Variants in EBF3 observed in about 807,000 individuals in gnomAD.
EBF3 encodes transcription factor COE3.
A neutral mutation model predicts 77.1 loss-of-function variants in EBF3; 18 were observed. That is an observed-to-expected ratio of 0.23 (90% confidence interval 0.16 to 0.35). The LOEUF (loss-of-function observed/expected upper bound fraction) is 0.35, where lower values mean the gene tolerates loss of function less well. EBF3 is among the 10% of genes least tolerant of loss of function. The pLI, the probability that EBF3 is intolerant of heterozygous loss-of-function variation, is 1.00. For missense variants in EBF3, 558 were observed against 860.0 expected (o/e 0.65, Z 4.39); for synonymous variants, 350 against 343.5 (o/e 1.02, Z -0.21).
At chr10:129,913,825 C>T (rs1353215820) in intron 6 of EBF3, among the ~76,000 whole-genome samples, 1 of 152,148 alleles carries the variant, frequency 6.6e-6, no homozygotes, top group Non-Finnish European at 1.5e-5. Context: ...TCGGCCAGGC[C>T]AGGTGCCATC....
intron 6 of EBF3, among the ~76,000 whole-genome samples, chr10:129,954,399 A>G (rs983876601): frequency 2.0e-5 from 3 of 151,282 alleles, no homozygotes; most frequent in Non-Finnish European, 4.4e-5. Flanking sequence ...TTGTAATGGG[A>G]AACAGCCTCA....
Position 129,842,052 on chromosome 10 carries a change from C to T in EBF3, c.1372+64G>A, listed in dbSNP as rs954588216. 5 of 1,605,802 alleles carry T rather than the reference C, an allele frequency of 3.1e-6. No homozygotes were observed. Among genetic ancestry groups the T allele is most frequent in the Non-Finnish European group, 3.4e-6 (4 of 1,174,918 alleles). ...TGGCCCTGGACACGTGCCTCTTCAGCTAAGGCCTCAACCAACCCTCGGAGG... is the reference window on the plus strand; with the variant it reads ...TGGCCCTGGACACGTGCCTCTTCAGTTAAGGCCTCAACCAACCCTCGGAGG... On this transcript the variant is annotated intron_variant, in intron 13 of 16. Transcript: ENST00000440978. This position sits in a 1 kb window ranked among gnomAD's most constrained non-coding sequence, Gnocchi z 4.4.
chr10:129,855,301 G>C (rs1851176979), intron 10 of EBF3, among the ~76,000 whole-genome samples: 2 of 152,342 alleles, frequency 1.3e-5, no homozygotes, highest in South Asian at 4.1e-4. Context: ...GTGGATGGCG[G>C]CATTGTGATG....
At chr10:129,886,649 A>T (rs892409028) in intron 6 of EBF3, among the ~76,000 whole-genome samples, 5 of 151,450 alleles carry the variant, frequency 3.3e-5, no homozygotes, top group Non-Finnish European at 5.9e-5. Context: ...GTATGTGGGA[A>T]TTTTTTTTTC....
chr10:129,911,324 T>C (rs12413677), intron 6 of EBF3, among the ~76,000 whole-genome samples: 62,638 of 152,092 alleles, frequency 0.41, 13,503 homozygotes, highest in Admixed American at 0.49. Context: ...GATAGAAGCA[T>C]TGCAGAGCCA....
chr10:129,845,730 C>T (rs922634951), intron 11 of EBF3: 9 of 147,284 alleles, frequency 6.1e-5, no homozygotes, highest in Non-Finnish European at 1.1e-4. Flanking sequence ...TCAACATGAC[C>T]GCATTCCTAA....
chr10:129,964,239 A>T lies in EBF3; in HGVS notation c.-471T>A, dbSNP rs1400851422. 4 of 984,600 alleles carry T rather than the reference A, an allele frequency of 4.1e-6. No homozygotes were observed. Among genetic ancestry groups the T allele is most frequent in the Non-Finnish European group, 3.6e-6 (3 of 829,770 alleles). 61.0% of individuals were successfully genotyped at this position (984,600 alleles called of 1,614,324 possible). A position where few individuals can be genotyped will look rare whatever the true frequency, so the allele number is the denominator to read the frequency against. ...CTGGAGCGGCGCGCGCAGCGGACGGAGGCGCACAAAACTCAGCCCTCTCTC... is the reference window on the plus strand; with the variant it reads ...CTGGAGCGGCGCGCGCAGCGGACGGTGGCGCACAAAACTCAGCCCTCTCTC... On this transcript the variant is annotated 5_prime_UTR_variant, in exon 1 of 17. Coordinates refer to ENST00000440978, the MANE Select transcript of EBF3 (RefSeq NM_001375380.1). This position sits in a 1 kb window ranked among gnomAD's most constrained non-coding sequence, Gnocchi z 4.5.
At position 129,872,919 on chromosome 10, in the gene EBF3, T is replaced by C. The variant is rs919124730; in HGVS notation, c.781+533A>G. Among the ~76,000 whole-genome samples the C allele has an allele frequency of 2.0e-5, 3 of 152,118 alleles. No individual in the cohort carries two copies. The East Asian group carries it at 5.8e-4, about 29-fold the overall frequency. On this transcript the variant is annotated intron_variant, in intron 8 of 16. Coordinates refer to ENST00000440978, the MANE Select transcript of EBF3 (RefSeq NM_001375380.1). ...ACAAACAAAATAAGAAGTCAATCAA[T>C]TGAAAGCATTTGGTTAAAAAAAAAA... is the stretch of plus-strand genomic sequence containing the variant.
intron 6 of EBF3, among the ~76,000 whole-genome samples, chr10:129,908,081 C>A (rs1253935250): frequency 6.6e-6 from 1 of 152,120 alleles, no homozygotes; most frequent in Admixed American, 6.5e-5. Flanking sequence ...CTAAGAAAAG[C>A]ATAAATATTT....
Position 129,935,515 on chromosome 10 carries a change from C to T in EBF3, c.554+21743G>A, listed in dbSNP as rs1198711399. On this transcript the variant is annotated intron_variant, in intron 6 of 16. Coordinates refer to ENST00000440978, the MANE Select transcript of EBF3 (RefSeq NM_001375380.1). The surrounding 1 kb of genome is among the most constrained non-coding windows in gnomAD (Gnocchi z 4.2). ...TGACCCCAACCCTAAGAACAAGCCT[C>T]CCAACTCAGCGCCAACTGCGGAGCA... is the stretch of plus-strand genomic sequence containing the variant. 1.3e-5 allele frequency among the ~76,000 whole-genome samples: 2 copies of T among 152,232 alleles called. No homozygotes were observed. Among genetic ancestry groups the T allele is most frequent in the African/African-American group, 2.4e-5 (1 of 41,458 alleles).
At chr10:129,844,215 G>C (rs1005561474) in intron 11 of EBF3, among the ~76,000 whole-genome samples, 1 of 151,544 alleles carries the variant, frequency 6.6e-6, no homozygotes, top group Non-Finnish European at 1.5e-5. Context: ...AGAGCTCTGC[G>C]GTCTAGGAGA....
At chr10:129,846,984 C>T (rs889974400) in intron 11 of EBF3, among the ~76,000 whole-genome samples, 22 of 152,114 alleles carry the variant, frequency 1.4e-4, no homozygotes, top group African/African-American at 3.6e-4. Context: ...GGCCCCCAGC[C>T]GCCCTGGGGG....
chr10:129,880,176 A>C (rs566629955), intron 6 of EBF3, among the ~76,000 whole-genome samples: 1 of 152,152 alleles, frequency 6.6e-6, no homozygotes, highest in Non-Finnish European at 1.5e-5. Context: ...TTAGGCCTTC[A>C]CTGTCATCCT....
chr10:129,934,970 C>T (rs1165974390), intron 6 of EBF3, among the ~76,000 whole-genome samples: 1 of 152,114 alleles, frequency 6.6e-6, no homozygotes, highest in Non-Finnish European at 1.5e-5. Context: ...GGTGAGCTCA[C>T]CTTGAACAAG....
At chr10:129,840,524 CG>C (rs769074878) in intron 14 of EBF3, 82 bp from the exon 15 acceptor site, 18 of 1,457,270 alleles carry the variant, frequency 1.2e-5, no homozygotes, top group African/African-American at 2.8e-5. Context: ...TCGCCTCGGA[CG>C]GGGGGGCAGG....
chr10:129,848,456 T>C lies in EBF3; in HGVS notation c.1064A>G (p.Tyr355Cys). The C allele has an allele frequency of 6.2e-7, 1 of 1,614,242 alleles. No individual in the cohort carries two copies. The highest frequency in any genetic ancestry group is 8.5e-7 in the Non-Finnish European group (1 of 1,180,046). Residue 355 changes from tyrosine to cysteine, a missense_variant, in exon 11 of 17, where the codon TAC (tyrosine) becomes TGC (cysteine). Physicochemically the swap from Tyr to Cys is radical, Grantham distance 194. Transcript: ENST00000440978. This position sits in a 1 kb window ranked among gnomAD's most constrained non-coding sequence, Gnocchi z 4.4. ...YTALNEPTIDYGFQRLQKVIP... is the reference protein window; with the variant it reads ...YTALNEPTIDCGFQRLQKVIP... ...CACTTTCTGCAACCTCTGAAAGCCG[T>C]AATCTATGGTTGGTTCATTAAGGGC... is the stretch of plus-strand genomic sequence containing the variant.
rs35249799 is a variant in EBF3 at position 129,842,762 on chromosome 10, T to TAAA, written c.1194+372_1194+374dup. Reference sequence around the variant, plus strand: ...CTGGGTGACAGAGCAAGACCCTGTCTAAAAAAAAAAAAAAAAAAAGGGAGC... The same window carrying TAAA: ...CTGGGTGACAGAGCAAGACCCTGTCTAAAAAAAAAAAAAAAAAAAAAAGGGAGC... On this transcript the variant is annotated intron_variant, in intron 12 of 16. Transcript: ENST00000440978. This position sits in a 1 kb window ranked among gnomAD's most constrained non-coding sequence, Gnocchi z 4.4. Among the ~76,000 whole-genome samples the TAAA allele has an allele frequency of 0.12, 13,259 of 112,478 alleles. 1,920 individuals are homozygous for TAAA. Among genetic ancestry groups the TAAA allele is most frequent in the African/African-American group, 0.34 (9,306 of 27,606 alleles). 73.8% of individuals were successfully genotyped at this position (112,478 alleles called of 152,430 possible).
chr10:129,840,626 A>G (rs1418314556), intron 14 of EBF3, among the ~76,000 whole-genome samples, 184 bp from the exon 15 acceptor site: 2 of 152,124 alleles, frequency 1.3e-5, no homozygotes, highest in African/African-American at 2.4e-5. Context: ...CTTCCAATTG[A>G]GCAGCCCATT....
chr10:129,895,455 G>A (rs1854304706), intron 6 of EBF3, among the ~76,000 whole-genome samples: 1 of 152,192 alleles, frequency 6.6e-6, no homozygotes, highest in Admixed American at 6.5e-5. Flanking sequence ...CCCAGCTACT[G>A]GAGAAGCTCC....
Sources: gnomAD v4.1 joint callset for allele counts (sites outside exome capture counted in the v4.1 genomes callset) on GRCh38, gnomAD v4.1.1 for gene constraint, Gnocchi (gnomAD v3.1) non-coding constraint, MANE v1.5 for transcripts, NCBI Gene and HGNC (gene_info 2026-07-23, HGNC 2026-07-21) for gene names.